NLRP13: variants seen among roughly 807,000 people sequenced by gnomAD.
NLRP13 encodes the protein NACHT, LRR and PYD domains-containing protein 13.
Under a neutral mutation model 94.4 loss-of-function variants are expected in NLRP13, and 82 were observed. The observed-to-expected ratio is 0.87, with a 90% CI of 0.73 to 1.04. The LOEUF (loss-of-function observed/expected upper bound fraction) is 1.04, where lower values mean the gene tolerates loss of function less well. Ranked by LOEUF, NLRP13 falls within the 50% of genes least tolerant of loss-of-function variation. NLRP13 has a pLI of 0.00. For synonymous variants in NLRP13, 553 were observed against 464.7 expected, an observed-to-expected ratio of 1.19 and a Z score of -2.45; for missense variants, 1,426 against 1,230.8, an observed-to-expected ratio of 1.16 and a Z score of -2.37.
chr19:55,921,938 C>T (rs1350811300), intron 4 of NLRP13, among the ~76,000 whole-genome samples: 1 of 152,110 alleles, frequency 6.6e-6, no homozygotes, highest in Non-Finnish European at 1.5e-5. Flanking sequence ...TCTCACACTG[C>T]TAGTAAAGAC....
intron 1 of NLRP13, among the ~76,000 whole-genome samples, chr19:55,929,317 C>G (rs541923671): frequency 6.6e-6 from 1 of 152,332 alleles, no homozygotes; most frequent in Admixed American, 6.5e-5. Context: ...TATAAAGACT[C>G]TTGCACACAT....
chr19:55,932,270 G>A lies in NLRP13; in HGVS notation c.42C>T (p.Asn14=), dbSNP rs1568449871. Residue 14 remains asparagine, a synonymous_variant, in exon 1 of 11, where the codon AAC becomes AAT. Coordinates refer to ENST00000342929, the MANE Select transcript of NLRP13 (RefSeq NM_176810.2). ...CCATCAGGTAAGGCAGAAGCCCTTG[G>A]TTGGTACCACCGTTGGGGCAGGTGA... ...SVITCPNGGT[N]QGLLPYLMAL... is the part of the protein sequence containing the mutation. 1 of 1,610,662 alleles carries A rather than the reference G, an allele frequency of 6.2e-7. No homozygotes were observed. The highest frequency in any genetic ancestry group is 8.5e-7 in the Non-Finnish European group (1 of 1,179,130).
chr19:55,898,674 T>C (rs1986081511), intron 10 of NLRP13, 96 bp downstream of exon 10: 1 of 1,275,628 alleles, frequency 7.8e-7, no homozygotes, highest in Non-Finnish European at 1.1e-6. Flanking sequence ...GTCCTTACTT[T>C]GCCTCACTTT....
Position 55,923,910 on chromosome 19 carries a change from A to T in NLRP13, c.523+4T>A. 1 of 1,611,880 alleles carries T rather than the reference A, an allele frequency of 6.2e-7. No homozygotes were observed. ...CCATTATCAACATAAAGTAGTATAC[A>T]CACCTGCTTCCTCTAGCATCTCTGG... On this transcript the variant is annotated splice_donor_region_variant and intron_variant, in intron 4 of 10. Transcript: ENST00000342929.
chr19:55,892,625 T>A (rs545641698), downstream of NLRP13, among the ~76,000 whole-genome samples: 2 of 152,186 alleles, frequency 1.3e-5, no homozygotes, highest in Admixed American at 6.5e-5. Context: ...TTCACCATGT[T>A]GGCCAGGCTG....
At position 55,928,128 on chromosome 19, in the gene NLRP13, G is replaced by C. The variant is rs79455382; in HGVS notation, c.320-3093C>G. On this transcript the variant is annotated intron_variant, in intron 1 of 10. Coordinates refer to ENST00000342929, the MANE Select transcript of NLRP13 (RefSeq NM_176810.2). ...CCCAGGGCTTTCTCCTACTTGAGAG[G>C]TATCTTCCCCATGACCCACGCCTTT... Among the ~76,000 whole-genome samples the C allele has an allele frequency of 1.3e-3, 205 of 152,268 alleles. 4 individuals carry two copies. In the East Asian group the frequency reaches 0.036, roughly 27 times the overall value.
chr19:55,925,992 T>C (rs931995885), intron 1 of NLRP13, among the ~76,000 whole-genome samples: 3 of 152,052 alleles, frequency 2.0e-5, no homozygotes, highest in African/African-American at 7.3e-5. Context: ...CAAGCTGAAG[T>C]CTGTCCTGAA....
chr19:55,900,644 C>T lies in NLRP13; in HGVS notation c.2789+1391G>A, dbSNP rs956652930. On this transcript the variant is annotated intron_variant, in intron 9 of 10. Coordinates refer to ENST00000342929, the MANE Select transcript of NLRP13 (RefSeq NM_176810.2). Reference sequence around the variant, plus strand: ...ACAAAAAATTAGCCGGGCATGGTGGCGGGCACCCGTAGTCCCAGCTACACG... The same window carrying T: ...ACAAAAAATTAGCCGGGCATGGTGGTGGGCACCCGTAGTCCCAGCTACACG... Among the ~76,000 whole-genome samples the T allele has an allele frequency of 2.4e-4, 37 of 151,634 alleles. 1 individual carries two copies. Among genetic ancestry groups the T allele is most frequent in the Admixed American group, 9.2e-4 (14 of 15,204 alleles).
At chr19:55,931,377 C>T (rs1037415824) in intron 1 of NLRP13, among the ~76,000 whole-genome samples, 5 of 151,874 alleles carry the variant, frequency 3.3e-5, no homozygotes, top group African/African-American at 1.2e-4. Context: ...CAAATTGTTC[C>T]CAGTACGACA....
intron 8 of NLRP13, among the ~76,000 whole-genome samples, chr19:55,902,684 A>C (rs532596046): frequency 1.3e-5 from 2 of 152,304 alleles, no homozygotes; most frequent in South Asian, 4.1e-4. Flanking sequence ...CAGGCAGTGT[A>C]CAGGTTATAG....
At position 55,910,785 on chromosome 19, in the gene NLRP13, T is replaced by C. The variant is rs28414465; in HGVS notation, c.2112-52A>G. 823 of 1,413,084 alleles carry C rather than the reference T, an allele frequency of 5.8e-4. 5 individuals carry two copies. The African/African-American group carries it at 0.01, about 18-fold the overall frequency. 87.5% of individuals were successfully genotyped at this position (1,413,084 alleles called of 1,614,324 possible). On this transcript the variant is annotated intron_variant, in intron 5 of 10. Transcript: ENST00000342929. ...ATAAGAGCAAATTAGCCTCAAGCAA[T>C]ACCCAGAATACAACCTACGGGACAC...
At position 55,925,028 on chromosome 19, in the gene NLRP13, C is replaced by T. The variant is rs781609600; in HGVS notation, c.327G>A (p.Val109=). 1 of 1,613,860 alleles carries T rather than the reference C, an allele frequency of 6.2e-7. No homozygotes were observed. The highest frequency in any genetic ancestry group is 1.3e-5 in the African/African-American group (1 of 74,900). ...TTGGATCTTGCAGCTCTTGGGTCTGCACATTCTCTGAAACAAACAGTGATG... is the reference window on the plus strand; with the variant it reads ...TTGGATCTTGCAGCTCTTGGGTCTGTACATTCTCTGAAACAAACAGTGATG... ...EKVRAEMKEN[V]QTQELQDPTQ... is the part of the protein sequence containing the mutation. The change falls in exon 2 of 11, where the codon GTG becomes GTA. Residue 109 remains valine, a synonymous_variant. Coordinates refer to ENST00000342929, the MANE Select transcript of NLRP13 (RefSeq NM_176810.2).
intron 7 of NLRP13, among the ~76,000 whole-genome samples, chr19:55,906,156 G>A (rs1181600270): frequency 6.6e-6 from 1 of 151,942 alleles, no homozygotes; most frequent in East Asian, 1.9e-4. Context: ...TGTCCAACAT[G>A]GTGAAACCCC....
At chr19:55,911,637 A>T in intron 5 of NLRP13, 69 bp downstream of exon 5, 5 of 1,409,808 alleles carry the variant, frequency 3.5e-6, no homozygotes, top group South Asian at 2.8e-5. Context: ...CTGGTTTTGC[A>T]TGAAAGAATT....
chr19:55,892,581 C>T (rs551940201), downstream of NLRP13, among the ~76,000 whole-genome samples: 6 of 152,120 alleles, frequency 3.9e-5, no homozygotes, highest in South Asian at 2.1e-4. Flanking sequence ...ACCACCACGC[C>T]GGCTAATTTT....
chr19:55,902,286 C>A, intron 8 of NLRP13, 81 bp from the exon 9 acceptor site: 1 of 1,154,430 alleles, frequency 8.7e-7, no homozygotes, highest in Non-Finnish European at 1.2e-6. Flanking sequence ...TCAGGGCCCC[C>A]TCCGAGCCTA....
At chr19:55,900,376 T>G (rs1312936464) in intron 9 of NLRP13, among the ~76,000 whole-genome samples, 1 of 152,156 alleles carries the variant, frequency 6.6e-6, no homozygotes, top group African/African-American at 2.4e-5. Flanking sequence ...CTACTTTGTG[T>G]TTACAAAGGA....
intron 1 of NLRP13, among the ~76,000 whole-genome samples, chr19:55,925,714 A>G (rs1428279035): frequency 6.6e-6 from 1 of 152,204 alleles, no homozygotes; most frequent in African/African-American, 2.4e-5. Flanking sequence ...TTTACTGTGT[A>G]GTACATAGCT....
chr19:55,911,882 G>T lies in NLRP13; in HGVS notation c.1935C>A (p.Ser645=). The T allele has an allele frequency of 6.2e-7, 1 of 1,614,100 alleles. No homozygotes were observed. Among genetic ancestry groups the T allele is most frequent in the Non-Finnish European group, 8.5e-7 (1 of 1,180,002 alleles). ...ILRLFHCLHE[S]QEEDFTKKML... is the part of the protein sequence containing the mutation. ...TCTTCTTTGTGAAGTCTTCCTCCTG[G>T]GACTCGTGTAGGCAGTGAAAAAGTC... Residue 645 remains serine (S), a synonymous_variant, in exon 5 of 11, where the codon TCC becomes TCA. Transcript: ENST00000342929.
Sources: allele counts gnomAD v4.1 joint callset (sites outside exome capture counted in the v4.1 genomes callset), GRCh38; gene constraint gnomAD v4.1.1; transcripts MANE v1.5; gene names NCBI Gene and HGNC (gene_info 2026-07-23, HGNC 2026-07-21).